The following CNTNAP2 variants were observed in gnomAD, a reference collection of about 807,000 sequenced individuals.
CNTNAP2 encodes contactin-associated protein-like 2.
Under a neutral mutation model 155.2 loss-of-function variants are expected in CNTNAP2, and 98 were observed. That is an observed-to-expected ratio of 0.63 (90% CI 0.54 to 0.75). CNTNAP2 has a LOEUF of 0.75. Among genes scored for constraint, CNTNAP2 ranks in the 30% least tolerant of loss-of-function variants. The pLI is 0.00. For synonymous variants in CNTNAP2, 651 were observed against 631.2 expected (o/e 1.03, Z -0.47); for missense variants, 1,727 against 1,688.1 (o/e 1.02, Z -0.40).
At chr7:146,436,061 A>T (rs186958866) in intron 1 of CNTNAP2, among the ~76,000 whole-genome samples, 55 of 152,316 alleles carry the variant, frequency 3.6e-4, no homozygotes, top group African/African-American at 1.3e-3. Flanking sequence ...TATTCAGCAA[A>T]AATATGACAG....
intron 18 of CNTNAP2, among the ~76,000 whole-genome samples, chr7:148,192,750 A>G (rs138045822): frequency 6.6e-6 from 1 of 152,312 alleles, no homozygotes; most frequent in East Asian, 1.9e-4. Context: ...GGAGGCAGTT[A>G]ATTCATGTTT....
At chr7:146,503,140 G>A (rs540993486) in intron 1 of CNTNAP2, among the ~76,000 whole-genome samples, 6 of 152,100 alleles carry the variant, frequency 3.9e-5, no homozygotes, top group South Asian at 2.1e-4. Flanking sequence ...TCTGTAAGTC[G>A]TAATTTAATT....
intron 10 of CNTNAP2, among the ~76,000 whole-genome samples, chr7:147,473,585 G>A (rs548133643): frequency 1.2e-4 from 18 of 151,994 alleles, no homozygotes; most frequent in African/African-American, 2.9e-4. Context: ...TTAATAATAC[G>A]AAAGGGAATA....
rs988154778 is a variant in CNTNAP2 at position 146,391,366 on chromosome 7, A to G, written c.97+274393A>G. ...ATGATGTGAGCTTTTCTACAACCCA[A>G]CCATCTGCTTTTTATCTTTCAAAAC... is the stretch of plus-strand genomic sequence containing the variant. On this transcript the variant is annotated intron_variant, in intron 1 of 23. Coordinates refer to ENST00000361727, the MANE Select transcript of CNTNAP2 (RefSeq NM_014141.6). 5.3e-5 allele frequency among the ~76,000 whole-genome samples: 8 copies of G among 151,882 alleles called. 1 individual carries two copies. The highest frequency in any genetic ancestry group is 1.0e-4 in the Non-Finnish European group (7 of 68,008).
chr7:146,895,141 T>C (rs1341311916), intron 3 of CNTNAP2, among the ~76,000 whole-genome samples: 1 of 152,050 alleles, frequency 6.6e-6, no homozygotes, highest in Admixed American at 6.6e-5. Flanking sequence ...AATGTGTCTT[T>C]ATCTTATCTA....
At chr7:147,744,944 C>T (rs913894219) in intron 13 of CNTNAP2, among the ~76,000 whole-genome samples, 1 of 152,142 alleles carries the variant, frequency 6.6e-6, no homozygotes, top group South Asian at 2.1e-4. Flanking sequence ...CTGTTCATAA[C>T]ACTATCTAAC....
chr7:146,139,941 T>C (rs1180924637), intron 1 of CNTNAP2, among the ~76,000 whole-genome samples: 2 of 152,154 alleles, frequency 1.3e-5, no homozygotes, highest in Admixed American at 6.6e-5. Flanking sequence ...GAAATTAACA[T>C]GTAATTCATA....
intron 1 of CNTNAP2, among the ~76,000 whole-genome samples, chr7:146,773,976 A>G (rs1183093164): frequency 2.6e-5 from 4 of 152,190 alleles, no homozygotes; most frequent in Non-Finnish European, 5.9e-5. Flanking sequence ...ACCAAAGCTT[A>G]TTACAGGAAC....
intron 13 of CNTNAP2, among the ~76,000 whole-genome samples, chr7:147,769,704 T>C (rs144597375): frequency 1.9e-3 from 287 of 152,292 alleles, no homozygotes; most frequent in Middle Eastern, 6.8e-3. Flanking sequence ...GACCATTGTT[T>C]GGCTTGTATT....
chr7:148,163,365 A>G (rs1245929811), intron 17 of CNTNAP2, among the ~76,000 whole-genome samples: 3 of 152,208 alleles, frequency 2.0e-5, no homozygotes, highest in African/African-American at 7.2e-5. Flanking sequence ...TTTAATTAAT[A>G]TTAGCTTTTG....
chr7:146,570,134 A>G (rs1011397563), intron 1 of CNTNAP2, among the ~76,000 whole-genome samples: 3 of 152,198 alleles, frequency 2.0e-5, no homozygotes, highest in Non-Finnish European at 2.9e-5. Flanking sequence ...TTTGTACATA[A>G]ATACACCTTA....
At chr7:147,152,630 G>A (rs1401497933) in intron 8 of CNTNAP2, among the ~76,000 whole-genome samples, 1 of 151,972 alleles carries the variant, frequency 6.6e-6, no homozygotes, top group East Asian at 1.9e-4. Flanking sequence ...TATAGTTGAG[G>A]AGATAACTGC....
At chr7:148,303,056 G>T (rs1232413955) in intron 21 of CNTNAP2, among the ~76,000 whole-genome samples, 4 of 151,860 alleles carry the variant, frequency 2.6e-5, no homozygotes, top group African/African-American at 9.7e-5. Context: ...CAGGAGATCT[G>T]CCCACCTTGG....
At chr7:148,405,895 AT>A in intron 22 of CNTNAP2, among the ~76,000 whole-genome samples, 1 of 151,848 alleles carries the variant, frequency 6.6e-6, no homozygotes, top group East Asian at 1.9e-4. Context: ...TACCATTGTA[AT>A]TTTTTATCAC....
In CNTNAP2 at chr7:146,147,109, G is replaced by A. The variant is rs145917415; in HGVS notation, c.97+30136G>A. Among the ~76,000 whole-genome samples the A allele has an allele frequency of 5.7e-3, 869 of 152,170 alleles. 14 individuals are homozygous for A. The highest frequency in any genetic ancestry group is 0.02 in the African/African-American group (810 of 41,534). Reference sequence around the variant, plus strand: ...CACTTCTCTTTATCATCAAAATACCGCTGAAGCCCCAGTGATTCAATTGCC... The same window carrying A: ...CACTTCTCTTTATCATCAAAATACCACTGAAGCCCCAGTGATTCAATTGCC... On this transcript the variant is annotated intron_variant, in intron 1 of 23. Coordinates refer to ENST00000361727, the MANE Select transcript of CNTNAP2 (RefSeq NM_014141.6).
chr7:148,357,836 G>C (rs1190578658), intron 21 of CNTNAP2, among the ~76,000 whole-genome samples: 1 of 152,170 alleles, frequency 6.6e-6, no homozygotes, highest in Admixed American at 6.5e-5. Context: ...TTACTTTATA[G>C]TTAGCATGTG....
At chr7:147,479,733 C>CTT (rs11382857) in intron 10 of CNTNAP2, among the ~76,000 whole-genome samples, 7 of 150,460 alleles carry the variant, frequency 4.7e-5, no homozygotes, top group Admixed American at 2.7e-4. Context: ...AATATGCTTG[C>CTT]TTTTTTTTTA....
At chr7:147,202,291 C>T (rs1802937363) in intron 8 of CNTNAP2, among the ~76,000 whole-genome samples, 1 of 145,862 alleles carries the variant, frequency 6.9e-6, no homozygotes, top group Non-Finnish European at 1.5e-5. Flanking sequence ...GGAACTACAA[C>T]ATGCAATCTG....
At chr7:148,401,142 C>A (rs987610927) in intron 22 of CNTNAP2, among the ~76,000 whole-genome samples, 3 of 152,144 alleles carry the variant, frequency 2.0e-5, no homozygotes, top group African/African-American at 7.2e-5. Flanking sequence ...GGAGGGCCAG[C>A]TGGATAGCTG....
Sources: allele counts gnomAD v4.1 joint callset (sites outside exome capture counted in the v4.1 genomes callset), GRCh38; gene constraint gnomAD v4.1.1; transcripts MANE v1.5; gene names NCBI Gene and HGNC (gene_info 2026-07-23, HGNC 2026-07-21).